Variants in TANC2 observed in about 807,000 individuals in gnomAD.
TANC2 encodes the protein protein TANC2.
In TANC2, 26 loss-of-function variants were observed where a neutral mutation model predicts 210.5. The ratio of observed to expected loss-of-function variants is 0.12; its 90% CI spans 0.09 to 0.17. The LOEUF is 0.17. TANC2 is among the 10% of genes least tolerant of loss of function. The probability of loss-of-function intolerance (pLI) is 1.00; values close to 1 mark genes in which losing one functional copy is unlikely to be tolerated. For missense variants in TANC2, 2,129 were observed against 2,608.9 expected, an observed-to-expected ratio of 0.82 and a Z score of 4.01; for synonymous variants, 931 against 967.1, an observed-to-expected ratio of 0.96 and a Z score of 0.69.
At chr17:63,257,104 A>T (rs1316504267) in intron 8 of TANC2, among the ~76,000 whole-genome samples, 1 of 144,876 alleles carries the variant, frequency 6.9e-6, no homozygotes. Context: ...CCATTCAGCC[A>T]CGCTGTGTCT....
Position 63,041,112 on chromosome 17 carries a change from TC to T in TANC2, c.67+31488del, listed in dbSNP as rs763943245. Among the ~76,000 whole-genome samples the T allele has an allele frequency of 6.6e-5, 10 of 152,200 alleles. No homozygotes were observed. The East Asian group carries it at 7.7e-4, about 12-fold the overall frequency. On this transcript the variant is annotated intron_variant, in intron 2 of 27. Coordinates refer to ENST00000689528, the Ensembl canonical transcript of TANC2. ...GGATTCAGCACTAATCCTAGTAGTCTCCATAGTACTCATATTGTATATTTTC... is the reference window on the plus strand; with the variant it reads ...GGATTCAGCACTAATCCTAGTAGTCTCATAGTACTCATATTGTATATTTTC...
intron 7 of TANC2, among the ~76,000 whole-genome samples, chr17:63,211,589 C>T (rs995063723): frequency 2.6e-5 from 4 of 152,152 alleles, no homozygotes; most frequent in Admixed American, 1.3e-4. Context: ...GCACTTCCAA[C>T]TGCTATTCAG....
At chr17:63,104,288 A>C (rs1231840034) in intron 4 of TANC2, among the ~76,000 whole-genome samples, 3 of 152,188 alleles carry the variant, frequency 2.0e-5, no homozygotes, top group Non-Finnish European at 4.4e-5. Flanking sequence ...CCATAGTATC[A>C]TAAAGATCCT....
intron 2 of TANC2, among the ~76,000 whole-genome samples, chr17:63,023,275 TG>T (rs141646818): frequency 8.0e-4 from 122 of 152,360 alleles, no homozygotes; most frequent in African/African-American, 2.4e-3. Flanking sequence ...CCTGAGGCCT[TG>T]GGAGCTCACC....
intron 4 of TANC2, among the ~76,000 whole-genome samples, chr17:63,140,660 T>C (rs747269574): frequency 9.2e-5 from 14 of 152,204 alleles, no homozygotes; most frequent in Non-Finnish European, 2.9e-5. Flanking sequence ...CACTGCGCTA[T>C]GTAATTCAGT....
At chr17:63,200,923 C>T (rs1427396615) in exon 7 of TANC2, 1 of 1,612,524 alleles carries the variant, frequency 6.2e-7, no homozygotes, top group Non-Finnish European at 8.5e-7. Flanking sequence ...CTAGTCCAAC[C>T]TCTACCCTTG....
At position 63,129,800 on chromosome 17, in the gene TANC2, A is replaced by C. The variant is rs112006199; in HGVS notation, c.323-21470A>C. On this transcript the variant is annotated intron_variant, in intron 4 of 27. Transcript: ENST00000689528. ...TATATCTATACAGTTATAAAATAAG[A>C]AATTGTGTGCATATGATGAGCACTG... Among the ~76,000 whole-genome samples, 558 of 152,244 alleles carry C rather than the reference A, an allele frequency of 3.7e-3. 4 individuals carry two copies. The highest frequency in any genetic ancestry group is 0.013 in the African/African-American group (535 of 41,544).
intron 9 of TANC2, among the ~76,000 whole-genome samples, chr17:63,298,110 G>T (rs1185854336): frequency 6.6e-6 from 1 of 152,194 alleles, no homozygotes; most frequent in Non-Finnish European, 1.5e-5. Context: ...TGGTGGGAAT[G>T]TAAAATAGTA....
chr17:63,267,672 A>C, intron 8 of TANC2, 76 bp from the exon 9 acceptor site: 2 of 1,493,258 alleles, frequency 1.3e-6, no homozygotes, highest in South Asian at 1.4e-5. Context: ...CTGATTCCAA[A>C]GTTCCGGAGA....
intron 3 of TANC2, among the ~76,000 whole-genome samples, chr17:63,090,532 C>A (rs533476520): frequency 2.0e-5 from 3 of 152,142 alleles, no homozygotes. Flanking sequence ...ACAAAGGACA[C>A]GAACTCATCC....
At chr17:63,051,214 C>G (rs893446229) in intron 2 of TANC2, among the ~76,000 whole-genome samples, 5 of 152,210 alleles carry the variant, frequency 3.3e-5, no homozygotes, top group African/African-American at 1.2e-4. Context: ...CCTCAGCCTA[C>G]TTTTCTAGTT....
intron 1 of TANC2, among the ~76,000 whole-genome samples, chr17:63,005,896 TTG>T (rs56763847): frequency 0.21 from 27,382 of 132,398 alleles, 2,555 homozygotes; most frequent in Middle Eastern, 0.27. Flanking sequence ...GCTGTATAGT[TTG>T]TGTGTGTGTG....
chr17:63,264,348 A>G (rs550719417), intron 8 of TANC2, among the ~76,000 whole-genome samples: 2 of 152,304 alleles, frequency 1.3e-5, no homozygotes, highest in South Asian at 2.1e-4. Context: ...GAGCATGTAT[A>G]TAGGAAAGGC....
At chr17:63,413,364 A>G (rs1285661412) in intron 24 of TANC2, 179 bp from the exon 25 acceptor site, 7 of 525,658 alleles carry the variant, frequency 1.3e-5, no homozygotes, top group Admixed American at 3.5e-5. Flanking sequence ...TACAAATCCA[A>G]TGCAGCTTCT....
intron 8 of TANC2, among the ~76,000 whole-genome samples, chr17:63,260,815 T>C (rs2043333812): frequency 6.6e-6 from 1 of 152,102 alleles, no homozygotes; most frequent in Non-Finnish European, 1.5e-5. Flanking sequence ...TGCTTTATTA[T>C]CAACATCATG....
chr17:63,295,723 T>A (rs1001590278), intron 9 of TANC2, among the ~76,000 whole-genome samples: 17 of 152,162 alleles, frequency 1.1e-4, no homozygotes, highest in African/African-American at 3.4e-4. Context: ...TTAGAACAAA[T>A]ACAACATAAT....
chr17:63,063,964 A>T (rs1235094983), intron 2 of TANC2, among the ~76,000 whole-genome samples: 1 of 152,144 alleles, frequency 6.6e-6, no homozygotes, highest in Non-Finnish European at 1.5e-5. Context: ...GCTTTTAAAG[A>T]TGCTGGACAT....
At chr17:63,303,921 T>C (rs1484277154) in intron 9 of TANC2, among the ~76,000 whole-genome samples, 2 of 151,946 alleles carry the variant, frequency 1.3e-5, no homozygotes, top group East Asian at 3.9e-4. Context: ...TCTCGTGCTG[T>C]GTTTTTCAGC....
At chr17:63,067,349 G>T (rs535823426) in intron 2 of TANC2, among the ~76,000 whole-genome samples, 1 of 152,102 alleles carries the variant, frequency 6.6e-6, no homozygotes, top group East Asian at 1.9e-4. Context: ...TTCTCTTTGG[G>T]GTGAAATAAT....
Sources: allele counts gnomAD v4.1 joint callset (sites outside exome capture counted in the v4.1 genomes callset), GRCh38; gene constraint gnomAD v4.1.1; transcripts MANE v1.5; gene names NCBI Gene and HGNC (gene_info 2026-07-23, HGNC 2026-07-21).